MAD1L1: variants seen among roughly 807,000 people sequenced by gnomAD.
MAD1L1 encodes the protein mitotic arrest deficient 1 like 1, also known as mitotic spindle assembly checkpoint protein MAD1.
Under a neutral mutation model 96.9 loss-of-function variants are expected in MAD1L1, and 95 were observed. The ratio of observed to expected loss-of-function variants is 0.98; its 90% CI spans 0.83 to 1.16. The LOEUF (loss-of-function observed/expected upper bound fraction) is 1.16. Ranked by LOEUF, MAD1L1 falls within the 50% of genes most tolerant of loss-of-function variation. The pLI, the probability that MAD1L1 is intolerant of heterozygous loss-of-function variation, is 0.00. For synonymous variants in MAD1L1, 473 were observed against 396.6 expected, an observed-to-expected ratio of 1.19 and a Z score of -2.29; for missense variants, 1,007 against 954.4, an observed-to-expected ratio of 1.06 and a Z score of -0.73.
intron 10 of MAD1L1, among the ~76,000 whole-genome samples, chr7:2,184,116 G>A (rs1584500013): frequency 1.3e-5 from 2 of 151,938 alleles, no homozygotes; most frequent in Non-Finnish European, 2.9e-5. Context: ...GCCAGGCGTG[G>A]TGGCGGGCGC....
At chr7:1,896,824 G>A (rs987919705) in intron 18 of MAD1L1, among the ~76,000 whole-genome samples, 1 of 152,222 alleles carries the variant, frequency 6.6e-6, no homozygotes, top group African/African-American at 2.4e-5. Context: ...TTGATGTAAC[G>A]AGTGATATGT....
chr7:1,942,755 C>T (rs747631446), intron 16 of MAD1L1, among the ~76,000 whole-genome samples: 5 of 152,164 alleles, frequency 3.3e-5, no homozygotes, highest in East Asian at 1.9e-4. Flanking sequence ...AGGACTCAGC[C>T]GGCCTCCCTG....
At chr7:1,938,757 CA>C (rs2128464807) in intron 16 of MAD1L1, among the ~76,000 whole-genome samples, 1 of 150,164 alleles carries the variant, frequency 6.7e-6, no homozygotes, top group Admixed American at 6.6e-5. Context: ...CACACACACA[CA>C]CACACACACA....
chr7:2,124,440 A>T (rs1788133244), intron 11 of MAD1L1, among the ~76,000 whole-genome samples: 1 of 152,210 alleles, frequency 6.6e-6, no homozygotes, highest in African/African-American at 2.4e-5. Flanking sequence ...CTGGGAGATG[A>T]GTGGGCAGAA....
At chr7:1,900,901 C>G (rs533686390) in intron 17 of MAD1L1, among the ~76,000 whole-genome samples, 1 of 152,268 alleles carries the variant, frequency 6.6e-6, no homozygotes, top group African/African-American at 2.4e-5. Context: ...GTATGAGGTC[C>G]CAGGGCGAGG....
chr7:1,875,693 C>T (rs1425277286), intron 18 of MAD1L1, among the ~76,000 whole-genome samples: 1 of 152,210 alleles, frequency 6.6e-6, no homozygotes, highest in Non-Finnish European at 1.5e-5. Flanking sequence ...GCATGTGCAA[C>T]AGATAACAGG....
intron 12 of MAD1L1, among the ~76,000 whole-genome samples, chr7:2,039,936 TAAAG>T (rs747883647): frequency 6.2e-4 from 94 of 151,980 alleles, no homozygotes; most frequent in Middle Eastern, 6.8e-3. Flanking sequence ...ATAAGTGAAA[TAAAG>T]AACACAAAAA....
chr7:1,993,540 C>A (rs773885931), intron 14 of MAD1L1, among the ~76,000 whole-genome samples: 1 of 152,232 alleles, frequency 6.6e-6, no homozygotes, highest in Non-Finnish European at 1.5e-5. Flanking sequence ...AGATAGAAAA[C>A]AAGCTTACGC....
intron 15 of MAD1L1, among the ~76,000 whole-genome samples, chr7:1,963,238 C>T (rs958601474): frequency 1.3e-5 from 2 of 152,186 alleles, no homozygotes; most frequent in African/African-American, 4.8e-5. Context: ...TACGACAGAA[C>T]ACAACTCAGC....
chr7:2,042,889 GTCCACGTCCACGTCCACA>G (rs1274661539), intron 12 of MAD1L1, among the ~76,000 whole-genome samples: 698 of 17,364 alleles, frequency 0.04, no homozygotes, highest in African/African-American at 0.13. Context: ...ACATGTCCAC[GTCCACGTCCACGTCCACA>G]TCCACGTCCA....
At chr7:1,894,216 T>G (rs1786725309) in intron 18 of MAD1L1, among the ~76,000 whole-genome samples, 1 of 152,194 alleles carries the variant, frequency 6.6e-6, no homozygotes, top group Non-Finnish European at 1.5e-5. Context: ...GCTCTAGCGC[T>G]GTCTTCTTGG....
At chr7:1,983,678 T>C (rs1781027094) in intron 14 of MAD1L1, among the ~76,000 whole-genome samples, 1 of 152,254 alleles carries the variant, frequency 6.6e-6, no homozygotes, top group African/African-American at 2.4e-5. Flanking sequence ...TGGCTTTTTA[T>C]ACATGTCTTC....
chr7:1,834,896 A>G (rs1294329076), intron 18 of MAD1L1, among the ~76,000 whole-genome samples: 2 of 152,136 alleles, frequency 1.3e-5, no homozygotes, highest in Non-Finnish European at 2.9e-5. Flanking sequence ...AGGAATATTT[A>G]TGCAAAAATT....
chr7:1,969,661 C>A (rs1780320732), intron 15 of MAD1L1, among the ~76,000 whole-genome samples: 1 of 152,200 alleles, frequency 6.6e-6, no homozygotes, highest in African/African-American at 2.4e-5. Flanking sequence ...TAAACAAAAT[C>A]AGCAAAGTTG....
intron 18 of MAD1L1, among the ~76,000 whole-genome samples, chr7:1,821,404 CT>C (rs1419137550): frequency 1.3e-5 from 2 of 152,048 alleles, no homozygotes; most frequent in Non-Finnish European, 2.9e-5. Flanking sequence ...TTACACAATC[CT>C]TTTTCAGTTA....
Position 2,200,101 on chromosome 7 carries a change from C to T in MAD1L1, c.986+13111G>A, listed in dbSNP as rs571489096. Among the ~76,000 whole-genome samples the T allele has an allele frequency of 1.5e-3, 221 of 152,350 alleles. 1 individual carries two copies. Among genetic ancestry groups the T allele is most frequent in the African/African-American group, 5.1e-3 (211 of 41,582 alleles). On this transcript the variant is annotated intron_variant, in intron 10 of 18. Coordinates refer to ENST00000265854, the MANE Select transcript of MAD1L1 (RefSeq NM_001013836.2). ...CCTCCATCCTCCACCCCTCCCGGGG[C>T]GCACCCACGACAGGTGGAGGGTGAA...
intron 12 of MAD1L1, among the ~76,000 whole-genome samples, chr7:2,015,816 C>G (rs1484576141): frequency 6.6e-6 from 1 of 152,224 alleles, no homozygotes; most frequent in East Asian, 1.9e-4. Flanking sequence ...CATCTGGATG[C>G]CCTGGACGTA....
intron 17 of MAD1L1, among the ~76,000 whole-genome samples, chr7:1,928,882 C>A (rs369110817): frequency 6.6e-6 from 1 of 152,170 alleles, no homozygotes; most frequent in Admixed American, 6.5e-5. Context: ...TGGTGGTCCA[C>A]GGAGCAGCCA....
rs549188081 is a variant in MAD1L1 at position 2,009,000 on chromosome 7, C to T, written c.1359+5502G>A. On this transcript the variant is annotated intron_variant, in intron 13 of 18. Transcript: ENST00000265854. ...TCATCACATGGCGGGAAAACCAGTA[C>T]GAGCAGGCCCCCAGCGCAGCCACGC... Among the ~76,000 whole-genome samples the T allele has an allele frequency of 6.9e-3, 1,057 of 152,266 alleles. 6 individuals are homozygous for T. The highest frequency in any genetic ancestry group is 0.012 in the Non-Finnish European group (808 of 67,986).
Sources: allele counts gnomAD v4.1 joint callset (sites outside exome capture counted in the v4.1 genomes callset), GRCh38; gene constraint gnomAD v4.1.1; transcripts MANE v1.5; gene names NCBI Gene and HGNC (gene_info 2026-07-23, HGNC 2026-07-21).